Variants in ITGB4 observed in about 807,000 individuals in gnomAD.
ITGB4 encodes integrin subunit beta 4, also known as integrin beta-4.
ITGB4 carries 159 observed loss-of-function variants against 207.6 expected under a neutral mutation model. The ratio of observed to expected loss-of-function variants is 0.77; its 90% CI spans 0.67 to 0.87. ITGB4 has a LOEUF of 0.87. Ranked by LOEUF, ITGB4 falls within the 40% of genes least tolerant of loss-of-function variation. ITGB4 has a pLI of 0.00. For synonymous variants in ITGB4, 1,020 were observed against 1,062.7 expected (o/e 0.96, Z 0.78); for missense variants, 2,278 against 2,546.8 (o/e 0.89, Z 2.27).
Position 75,756,715 on chromosome 17 carries a change from A to G in ITGB4, c.4909A>G (p.Thr1637Ala), listed in dbSNP as rs750729078. The change falls in exon 37 of 40, where the codon ACT becomes GCT. Residue 1637 changes from threonine (T) to alanine (A), a missense_variant. Coordinates refer to ENST00000200181, the MANE Select transcript of ITGB4 (RefSeq NM_000213.5). Reference protein sequence around the residue: ...PLCPLPGSAFTLSTPSAPGPL... With the variant: ...PLCPLPGSAFALSTPSAPGPL... ...TCTACTGCCCCCAGGCTCCGCCTTC[A>G]CTTTGAGCACTCCCAGTGCCCCAGG... The G allele has an allele frequency of 9.3e-6, 15 of 1,612,892 alleles. No individual in the cohort carries two copies. The East Asian group carries it at 3.1e-4, about 34-fold the overall frequency.
intron 12 of ITGB4, 99 bp from the exon 13 acceptor site, chr17:75,733,391 A>C (rs1253307631): frequency 9.4e-7 from 1 of 1,066,220 alleles, no homozygotes; most frequent in East Asian, 2.7e-5. Context: ...GTCTCAAAAA[A>C]AAAAATAAAA....
Position 75,749,179 on chromosome 17 carries a change from C to A in ITGB4, c.3316+134C>A, listed in dbSNP as rs2603494. 6.6e-6 allele frequency: 5 copies of A among 763,066 alleles called. No homozygotes were observed. In the Admixed American group the frequency reaches 1.1e-4, roughly 16 times the overall value. The allele number at this position is 763,066 out of a possible 1,614,324, so 47.3% of individuals were successfully genotyped here. The stretch of plus-strand genomic sequence containing the variant: ...ATCTGAATTTCAGGTAAACAACATA[C>A]ACGTTGGTAGGATAAGTATGTCCCA... On this transcript the variant is annotated intron_variant, in intron 27 of 39. Transcript: ENST00000200181.
intron 33 of ITGB4, 31 bp from the exon 34 acceptor site, chr17:75,754,545 C>T: frequency 6.2e-7 from 1 of 1,612,882 alleles, no homozygotes; most frequent in Non-Finnish European, 8.5e-7. Flanking sequence ...TGGGGCAGGC[C>T]TGACCAAGGG....
Position 75,750,162 on chromosome 17 carries a change from C to A in ITGB4, c.3368C>A (p.Pro1123His). ...TSQMLSSQPP[P>H]HGDLGAPQNP... The stretch of plus-strand genomic sequence containing the variant: ...CAGATGTTGTCATCACAGCCACCCC[C>A]TCACGGCGACCTGGGCGCCCCGCAG... Residue 1123 changes from proline (P) to histidine (H), a missense_variant, in exon 28 of 40, where the codon CCT becomes CAT. Physicochemically the swap from Pro to His is moderately conservative, Grantham distance 77. Coordinates refer to ENST00000200181, the MANE Select transcript of ITGB4 (RefSeq NM_000213.5). This position sits in a 1 kb window ranked among gnomAD's most constrained non-coding sequence, Gnocchi z 5.5. The A allele has an allele frequency of 6.2e-7, 1 of 1,613,878 alleles. No homozygotes were observed. Among genetic ancestry groups the A allele is most frequent in the Non-Finnish European group, 8.5e-7 (1 of 1,180,032 alleles).
intron 25 of ITGB4, among the ~76,000 whole-genome samples, chr17:75,743,363 G>A (rs2061159698): frequency 6.6e-6 from 1 of 152,164 alleles, no homozygotes; most frequent in Admixed American, 6.5e-5. Context: ...CTCCCGAGTA[G>A]CTGGGATTAC....
intron 2 of ITGB4, among the ~76,000 whole-genome samples, chr17:75,725,076 G>A (rs3851021): frequency 0.24 from 35,795 of 152,054 alleles, 5,182 homozygotes; most frequent in African/African-American, 0.4. Flanking sequence ...CCCCAGAGGT[G>A]TAGTCAAGAG....
At chr17:75,754,475 AC>A in intron 33 of ITGB4, 100 bp from the exon 34 acceptor site, 2 of 1,502,608 alleles carry the variant, frequency 1.3e-6, no homozygotes, top group South Asian at 1.1e-5. Flanking sequence ...AGCAAAAGCC[AC>A]CCAGAGGGTG....
At chr17:75,734,297 C>T (rs1356211878) in intron 13 of ITGB4, among the ~76,000 whole-genome samples, 2 of 151,872 alleles carry the variant, frequency 1.3e-5, no homozygotes. Context: ...CCACCATGCC[C>T]AGCTAATTTT....
At chr17:75,749,173 A>G (rs1221270674) in intron 27 of ITGB4, 128 bp downstream of exon 27, 1 of 778,200 alleles carries the variant, frequency 1.3e-6, no homozygotes, top group African/African-American at 1.7e-5. Context: ...TCAGGTAAAC[A>G]ACATACACGT....
chr17:75,728,615 A>G (rs1001472915), intron 6 of ITGB4, 142 bp downstream of exon 6: 1 of 703,394 alleles, frequency 1.4e-6, no homozygotes, highest in Non-Finnish European at 2.5e-6. Context: ...TTGGGAGACC[A>G]GGGCGGGCAG....
intron 23 of ITGB4, among the ~76,000 whole-genome samples, chr17:75,741,547 T>C (rs1395809476): frequency 6.6e-6 from 1 of 152,154 alleles, no homozygotes; most frequent in Admixed American, 6.5e-5. Flanking sequence ...GGCTCACACC[T>C]GTAATCCCAG....
rs374272859 is a variant in ITGB4, at chr17:75,732,437, T to C, written c.1454+198T>C. On this transcript the variant is annotated intron_variant, in intron 12 of 39. Transcript: ENST00000200181. The surrounding 1 kb of genome is among the most constrained non-coding windows in gnomAD (Gnocchi z 5.3). ...CAAAGCACTTTGAAATACAGAGATA[T>C]ATGGGCTGTCTCTAGAAAGAGGTGT... Among the ~76,000 whole-genome samples the C allele has an allele frequency of 3.3e-5, 5 of 152,138 alleles. No individual in the cohort carries two copies. The South Asian group carries it at 1.0e-3, about 32-fold the overall frequency.
intron 38 of ITGB4, 46 bp downstream of exon 38, chr17:75,757,153 G>GC: frequency 1.2e-6 from 2 of 1,612,620 alleles, no homozygotes; most frequent in Non-Finnish European, 1.7e-6. Flanking sequence ...CTCGGGCCGT[G>GC]CCTCCTTCTG....
Position 75,727,140 on chromosome 17 carries a change from G to A in ITGB4, c.80-55G>A. ...TCCAGGTGAAGGTGCAGGTGGGAAA[G>A]TGCTTGCCTTTGCTGAGCGCCTCCC... On this transcript the variant is annotated intron_variant, in intron 2 of 39. Coordinates refer to ENST00000200181, the MANE Select transcript of ITGB4 (RefSeq NM_000213.5). The surrounding 1 kb of genome is among the most constrained non-coding windows in gnomAD (Gnocchi z 6.0). 6.9e-7 allele frequency: 1 copy of A among 1,455,666 alleles called. No individual in the cohort carries two copies. The highest frequency in any genetic ancestry group is 9.6e-7 in the Non-Finnish European group (1 of 1,041,126). 90.2% of individuals were successfully genotyped at this position (1,455,666 alleles called of 1,614,324 possible). A position where few individuals can be genotyped will look rare whatever the true frequency, so the allele number is the denominator to read the frequency against.
At position 75,733,698 on chromosome 17, in the gene ITGB4, CACA is replaced by C. The variant is rs775268861; in HGVS notation, c.1657+12_1657+14del. The C allele has an allele frequency of 1.4e-5, 23 of 1,613,552 alleles. No individual in the cohort carries two copies. Among genetic ancestry groups the C allele is most frequent in the Middle Eastern group, 3.3e-4 (2 of 6,062 alleles). On this transcript the variant is annotated splice_region_variant and intron_variant, in intron 13 of 39. Coordinates refer to ENST00000200181, the MANE Select transcript of ITGB4 (RefSeq NM_000213.5). ...TTCCGGGTTCCTCTGCAATGGTGAG[CACA>C]ACAACTGCGGCCAATGCTGATGGCG...
intron 30 of ITGB4, among the ~76,000 whole-genome samples, 155 bp from the exon 31 acceptor site, chr17:75,752,019 T>C (rs2061377397): frequency 6.6e-6 from 1 of 152,168 alleles, no homozygotes; most frequent in Non-Finnish European, 1.5e-5. Flanking sequence ...CGCTCAGGGC[T>C]CCGCAGGCGG....
intron 15 of ITGB4, 56 bp from the exon 16 acceptor site, chr17:75,736,509 G>A (rs2060978957): frequency 3.1e-6 from 5 of 1,594,328 alleles, no homozygotes; most frequent in African/African-American, 1.3e-5. Flanking sequence ...GGGAGCGGGG[G>A]TCTGGCAGAG....
chr17:75,756,817 A>G lies in ITGB4; in HGVS notation c.5011A>G (p.Ile1671Val). 6.2e-7 allele frequency: 1 copy of G among 1,612,402 alleles called. No individual in the cohort carries two copies. Among genetic ancestry groups the G allele is most frequent in the Non-Finnish European group, 8.5e-7 (1 of 1,179,994 alleles). ...GCGGCCACGGAGGCCCAATGGGGAT[A>G]TCGTCGGCTACCTGGTGACCTGTGA... ...WERPRRPNGDIVGYLVTCEMA... is the reference protein window; with the variant it reads ...WERPRRPNGDVVGYLVTCEMA... The change falls in exon 37 of 40, where the codon ATC (isoleucine) becomes GTC (valine). Residue 1671 changes from isoleucine (I) to valine (V), a missense_variant. Transcript: ENST00000200181.
intron 23 of ITGB4, among the ~76,000 whole-genome samples, chr17:75,741,588 C>A (rs1004602668): frequency 1.3e-5 from 2 of 151,968 alleles, no homozygotes; most frequent in Admixed American, 6.6e-5. Flanking sequence ...GGTGGATCAC[C>A]TCAGGTCAGG....
Sources: allele counts gnomAD v4.1 joint callset (sites outside exome capture counted in the v4.1 genomes callset), GRCh38; gene constraint gnomAD v4.1.1; non-coding constraint Gnocchi (gnomAD v3.1); transcripts MANE v1.5; gene names NCBI Gene and HGNC (gene_info 2026-07-23, HGNC 2026-07-21).